The following RSRC1 variants were observed in gnomAD, a reference collection of about 807,000 sequenced individuals.
RSRC1 encodes arginine and serine rich coiled-coil 1, also known as serine/Arginine-related protein 53.
Under a neutral mutation model 49.1 loss-of-function variants are expected in RSRC1, and 39 were observed. That is an observed-to-expected ratio of 0.79 (90% CI 0.61 to 1.04). The LOEUF is 1.04. RSRC1 is among the 50% of genes least tolerant of loss of function. The pLI is 0.00. For synonymous variants in RSRC1, 143 were observed against 130.8 expected (o/e 1.09, Z -0.63); for missense variants, 388 against 402.4 (o/e 0.96, Z 0.31).
intron 6 of RSRC1, among the ~76,000 whole-genome samples, chr3:158,376,153 C>G (rs1230159566): frequency 8.8e-6 from 1 of 113,700 alleles, no homozygotes; most frequent in Non-Finnish European, 1.8e-5. Context: ...CCCTCCCTCC[C>G]TCCCTCCCTC....
intron 4 of RSRC1, among the ~76,000 whole-genome samples, chr3:158,268,124 T>C (rs1366298334): frequency 1.3e-5 from 2 of 152,196 alleles, no homozygotes; most frequent in Non-Finnish European, 2.9e-5. Context: ...GAGATAGAGC[T>C]CACTCTGTCT....
chr3:158,496,163 GC>G (rs1240988945), intron 7 of RSRC1, among the ~76,000 whole-genome samples: 1 of 152,034 alleles, frequency 6.6e-6, no homozygotes, highest in African/African-American at 2.4e-5. Flanking sequence ...TGCAATTGGG[GC>G]ACAAAATTTA....
intron 7 of RSRC1, among the ~76,000 whole-genome samples, chr3:158,521,613 C>T (rs768552157): frequency 6.6e-6 from 1 of 152,104 alleles, no homozygotes; most frequent in Non-Finnish European, 1.5e-5. Context: ...AAGATTATAT[C>T]ATTAGTTGTG....
intron 4 of RSRC1, among the ~76,000 whole-genome samples, chr3:158,281,818 G>A (rs771760692): frequency 6.6e-6 from 1 of 152,316 alleles, no homozygotes; most frequent in East Asian, 1.9e-4. Flanking sequence ...GATGTAGTGG[G>A]AGGTAGGAGA....
chr3:158,536,378 A>T (rs896159195), intron 7 of RSRC1, among the ~76,000 whole-genome samples: 2 of 151,480 alleles, frequency 1.3e-5, no homozygotes, highest in East Asian at 1.9e-4. Context: ...AGGGAAAGGC[A>T]GTGGACTGTA....
At chr3:158,130,826 T>G (rs1253692495) in intron 3 of RSRC1, among the ~76,000 whole-genome samples, 1 of 152,198 alleles carries the variant, frequency 6.6e-6, no homozygotes, top group Non-Finnish European at 1.5e-5. Flanking sequence ...TTTTATATTT[T>G]ACATATTTTT....
Position 158,244,196 on chromosome 3 carries a change from T to C in RSRC1, c.494+40951T>C, listed in dbSNP as rs969808412. Among the ~76,000 whole-genome samples the C allele has an allele frequency of 1.2e-4, 18 of 152,194 alleles. 1 individual carries two copies. The highest frequency in any genetic ancestry group is 2.9e-5 in the Non-Finnish European group (2 of 68,026). The stretch of plus-strand genomic sequence containing the variant: ...AGTGGTGAGAGAGGGCATCGTCTTG[T>C]GCCAGTTTTCAAAGGAAATGCTTCC... On this transcript the variant is annotated intron_variant, in intron 4 of 9. Transcript: ENST00000611884.
At chr3:158,433,984 T>C (rs1016778408) in intron 6 of RSRC1, among the ~76,000 whole-genome samples, 2 of 152,004 alleles carry the variant, frequency 1.3e-5, no homozygotes, top group Non-Finnish European at 2.9e-5. Flanking sequence ...TCACTCATTC[T>C]TAGAGAGTCT....
chr3:158,176,804 T>C (rs1016646739), intron 3 of RSRC1, among the ~76,000 whole-genome samples: 4 of 152,158 alleles, frequency 2.6e-5, no homozygotes, highest in Non-Finnish European at 5.9e-5. Flanking sequence ...CGGGATCTAA[T>C]TAAACTCAAG....
Position 158,200,389 on chromosome 3 carries a change from T to C in RSRC1, c.321-2683T>C, listed in dbSNP as rs371664852. On this transcript the variant is annotated intron_variant, in intron 3 of 9. Coordinates refer to ENST00000611884, the MANE Select transcript of RSRC1 (RefSeq NM_001271838.2). ...GTCTGCTTATTTAAAGTACATATTT[T>C]GTAGATAGCATGTAGTTGTTGTTTT... Among the ~76,000 whole-genome samples, 181 of 152,324 alleles carry C rather than the reference T, an allele frequency of 1.2e-3. 2 individuals are homozygous for C. Among genetic ancestry groups the C allele is most frequent in the Non-Finnish European group, 2.1e-3 (141 of 68,012 alleles).
At chr3:158,256,717 G>A (rs1044025020) in intron 4 of RSRC1, among the ~76,000 whole-genome samples, 3 of 152,100 alleles carry the variant, frequency 2.0e-5, no homozygotes, top group Admixed American at 6.5e-5. Flanking sequence ...TTTTTGGTTG[G>A]TAGGCTATTA....
chr3:158,254,568 A>G (rs990265335), intron 4 of RSRC1, among the ~76,000 whole-genome samples: 5 of 151,782 alleles, frequency 3.3e-5, no homozygotes, highest in African/African-American at 1.2e-4. Context: ...AGTAGCTGGG[A>G]CTACAGGCGG....
chr3:158,436,303 T>C, intron 6 of RSRC1, among the ~76,000 whole-genome samples: 1 of 151,890 alleles, frequency 6.6e-6, no homozygotes, highest in East Asian at 1.9e-4. Context: ...GGGCAATGCA[T>C]CATGGAGCAA....
intron 6 of RSRC1, among the ~76,000 whole-genome samples, chr3:158,365,996 TG>T (rs1731745777): frequency 6.6e-6 from 1 of 152,186 alleles, no homozygotes; most frequent in African/African-American, 2.4e-5. Context: ...TTAATGGGGT[TG>T]TTTTTTTCTT....
intron 4 of RSRC1, among the ~76,000 whole-genome samples, chr3:158,207,957 G>A (rs546685381): frequency 2.6e-5 from 4 of 152,100 alleles, no homozygotes; most frequent in East Asian, 1.9e-4. Flanking sequence ...TGTAGAATTC[G>A]TCTTATAATG....
intron 3 of RSRC1, among the ~76,000 whole-genome samples, chr3:158,180,770 T>C (rs1366556294): frequency 7.2e-6 from 1 of 139,364 alleles, no homozygotes; most frequent in East Asian, 2.2e-4. Flanking sequence ...GCTTAAAGAG[T>C]CCACAAAGAG....
chr3:158,337,639 G>A (rs563914111), intron 5 of RSRC1, among the ~76,000 whole-genome samples: 23 of 152,176 alleles, frequency 1.5e-4, no homozygotes, highest in African/African-American at 4.6e-4. Context: ...CATATTGTTA[G>A]CACTGAATCT....
intron 4 of RSRC1, among the ~76,000 whole-genome samples, chr3:158,282,359 A>G (rs941326936): frequency 2.0e-5 from 3 of 152,196 alleles, no homozygotes; most frequent in Non-Finnish European, 2.9e-5. Flanking sequence ...CTTAAAGCCT[A>G]TGTTCTGAGA....
chr3:158,428,663 G>A (rs1007395470), intron 6 of RSRC1, among the ~76,000 whole-genome samples: 4 of 151,848 alleles, frequency 2.6e-5, no homozygotes, highest in Admixed American at 6.6e-5. Context: ...GGCACATAAC[G>A]TGTATTATAA....
Sources: gnomAD v4.1 joint callset for allele counts (sites outside exome capture counted in the v4.1 genomes callset) on GRCh38, gnomAD v4.1.1 for gene constraint, MANE v1.5 for transcripts, NCBI Gene and HGNC (gene_info 2026-07-23, HGNC 2026-07-21) for gene names.